CDYL: variants seen among roughly 807,000 people sequenced by gnomAD.
CDYL encodes chromodomain Y-like protein.
A neutral mutation model predicts 47.3 loss-of-function variants in CDYL; 8 were observed. The observed-to-expected ratio is 0.17, with a 90% CI of 0.10 to 0.31. CDYL has a LOEUF of 0.31. CDYL is among the 10% of genes least tolerant of loss of function. CDYL has a pLI of 1.00. For synonymous variants in CDYL, 266 were observed against 265.0 expected (o/e 1.00, Z -0.04); for missense variants, 471 against 701.4 (o/e 0.67, Z 3.71).
rs372490337 is a variant in CDYL, at chr6:4,716,524, A to G, written c.103+643A>G. ...CATCGTTGGCTTCCTTTCCTTTTCC[A>G]CTTCCTCCAAGTCAATTGATAGCAC... On this transcript the variant is annotated intron_variant, in intron 2 of 8. Coordinates refer to the CDYL transcript ENST00000328908. Among the ~76,000 whole-genome samples the G allele has an allele frequency of 4.8e-5, 7 of 146,628 alleles. No homozygotes were observed. The East Asian group carries it at 8.1e-4, about 17-fold the overall frequency.
At chr6:4,740,641 A>C (rs1343455187) in intron 3 of CDYL, among the ~76,000 whole-genome samples, 2 of 152,060 alleles carry the variant, frequency 1.3e-5, no homozygotes, top group Non-Finnish European at 2.9e-5. Context: ...TCTTCTTTCT[A>C]ATCTTTCTTT....
At chr6:4,717,621 C>T (rs750674776) in intron 2 of CDYL, among the ~76,000 whole-genome samples, 20 of 138,978 alleles carry the variant, frequency 1.4e-4, no homozygotes, top group East Asian at 4.5e-4. Context: ...AGAAGCATCA[C>T]TTGAGCCCAG....
chr6:4,866,550 G>A (rs941978043), intron 1 of CDYL, among the ~76,000 whole-genome samples: 8 of 152,014 alleles, frequency 5.3e-5, no homozygotes, highest in African/African-American at 1.7e-4. Flanking sequence ...TACTTTAAGC[G>A]AAAAGACAAT....
intron 5 of CDYL, among the ~76,000 whole-genome samples, chr6:4,945,540 C>T (rs3789793): frequency 0.53 from 80,046 of 152,072 alleles, 23,261 homozygotes; most frequent in East Asian, 0.75. Context: ...GTGGCCTGCT[C>T]ACTGTGCCCA....
At chr6:4,803,191 T>C (rs935601171) in intron 1 of CDYL, among the ~76,000 whole-genome samples, 2 of 152,102 alleles carry the variant, frequency 1.3e-5, no homozygotes, top group African/African-American at 4.8e-5. Context: ...TTGGCTGCTA[T>C]TCTCAGCTGG....
At chr6:4,732,114 C>T (rs1757615787) in intron 2 of CDYL, among the ~76,000 whole-genome samples, 1 of 152,154 alleles carries the variant, frequency 6.6e-6, no homozygotes, top group African/African-American at 2.4e-5. Context: ...ACAGGAGGAT[C>T]ACTTGAGCCA....
intron 1 of CDYL, among the ~76,000 whole-genome samples, chr6:4,849,399 A>G (rs555076828): frequency 2.6e-5 from 4 of 152,328 alleles, no homozygotes; most frequent in East Asian, 1.9e-4. Flanking sequence ...GACAAATGCA[A>G]GTGCTTTTTG....
At position 4,891,771 on chromosome 6, in the gene CDYL, G is replaced by T; in HGVS notation, c.83G>T (p.Arg28Leu). Residue 28 changes from arginine (R) to leucine (L), a missense_variant, in exon 2 of 7, where the codon CGG becomes CTG. By Grantham distance (102) the Arg-to-Leu change is moderately radical. This residue lies in a region of CDYL where 311 missense variants were observed against 350.0 expected (regional missense o/e 0.89). Transcript: ENST00000397588. ...AAAGGGAAGACAGAGTATTTGGTTC[G>T]GTGGAAAGGCTATGACAGCGAGGAC... is the stretch of plus-strand genomic sequence containing the variant. ...NKKGKTEYLV[R>L]WKGYDSEDDT... The T allele has an allele frequency of 6.2e-7, 1 of 1,614,086 alleles. No homozygotes were observed.
chr6:4,917,337 A>C (rs1198238196), intron 2 of CDYL, among the ~76,000 whole-genome samples: 1 of 152,168 alleles, frequency 6.6e-6, no homozygotes, highest in African/African-American at 2.4e-5. Flanking sequence ...ACCAGAACTG[A>C]GTATGTGGCT....
At chr6:4,802,750 A>T (rs1040927144) in intron 1 of CDYL, among the ~76,000 whole-genome samples, 11 of 141,338 alleles carry the variant, frequency 7.8e-5, no homozygotes, top group African/African-American at 2.7e-4. Flanking sequence ...TTCCCTTGAG[A>T]TAAGTTTGTA....
chr6:4,860,001 A>G (rs894196109), intron 1 of CDYL, among the ~76,000 whole-genome samples: 2 of 149,698 alleles, frequency 1.3e-5, no homozygotes, highest in African/African-American at 4.9e-5. Context: ...TCCTGTGTTC[A>G]CGCCATTCTC....
At chr6:4,841,100 G>A (rs1760476375) in intron 1 of CDYL, among the ~76,000 whole-genome samples, 2 of 152,054 alleles carry the variant, frequency 1.3e-5, no homozygotes. Context: ...TTTGTTATTG[G>A]TCTGTTCAGA....
chr6:4,859,600 A>G (rs1454612632), intron 1 of CDYL, among the ~76,000 whole-genome samples: 3 of 152,170 alleles, frequency 2.0e-5, no homozygotes, highest in Non-Finnish European at 4.4e-5. Context: ...GTCCTTAGGT[A>G]ATTAGATTAT....
intron 1 of CDYL, among the ~76,000 whole-genome samples, chr6:4,807,711 C>A (rs1044759374): frequency 1.3e-4 from 19 of 149,032 alleles, no homozygotes; most frequent in African/African-American, 4.7e-4. Context: ...TCAGGCAATC[C>A]TCCTGCCTCA....
chr6:4,908,554 C>CA (rs1757309201), intron 2 of CDYL, among the ~76,000 whole-genome samples: 2 of 152,192 alleles, frequency 1.3e-5, no homozygotes, highest in Non-Finnish European at 2.9e-5. Context: ...TCCTGCCCCC[C>CA]ACAGGCAACC....
intron 4 of CDYL, among the ~76,000 whole-genome samples, chr6:4,938,018 C>T (rs541978279): frequency 3.1e-4 from 47 of 152,300 alleles, no homozygotes; most frequent in Non-Finnish European, 5.4e-4. Context: ...TGCAAGTGTT[C>T]GGAGAATGTT....
intron 3 of CDYL, among the ~76,000 whole-genome samples, chr6:4,751,797 G>A (rs554656709): frequency 3.9e-5 from 6 of 152,374 alleles, no homozygotes; most frequent in African/African-American, 1.4e-4. Flanking sequence ...ACTTAGAAAT[G>A]CAAACTATTC....
intron 1 of CDYL, among the ~76,000 whole-genome samples, chr6:4,817,903 C>A (rs1009041084): frequency 6.6e-6 from 1 of 152,322 alleles, no homozygotes; most frequent in African/African-American, 2.4e-5. Context: ...GTGGCTACAA[C>A]TAAAGTTGTA....
intron 1 of CDYL, among the ~76,000 whole-genome samples, chr6:4,847,420 T>C (rs1760694527): frequency 6.6e-6 from 1 of 152,188 alleles, no homozygotes; most frequent in Non-Finnish European, 1.5e-5. Context: ...TGAAATTAAA[T>C]TTATTGCTCT....
Sources: allele counts gnomAD v4.1 joint callset (sites outside exome capture counted in the v4.1 genomes callset), GRCh38; gene constraint gnomAD v4.1.1; regional missense constraint gnomAD v4.1.1; transcripts MANE v1.5; gene names NCBI Gene and HGNC (gene_info 2026-07-23, HGNC 2026-07-21).